CSMD2: variants seen among roughly 807,000 people sequenced by gnomAD.
CSMD2 encodes CUB and Sushi multiple domains 2, also known as CUB and sushi domain-containing protein 2.
In CSMD2, 130 loss-of-function variants were observed where a neutral mutation model predicts 398.5. The ratio of observed to expected loss-of-function variants is 0.33; its 90% CI spans 0.28 to 0.38. The LOEUF (loss-of-function observed/expected upper bound fraction) is 0.38, where lower values mean the gene tolerates loss of function less well. Among genes scored for constraint, CSMD2 ranks in the 10% least tolerant of loss-of-function variants. The pLI is 1.00. For missense variants in CSMD2, 3,829 were observed against 4,764.9 expected (o/e 0.80, Z 5.78); for synonymous variants, 1,828 against 1,908.5 (o/e 0.96, Z 1.10).
intron 55 of CSMD2, among the ~76,000 whole-genome samples, chr1:33,552,146 T>C (rs1490443215): frequency 2.0e-5 from 3 of 152,118 alleles, no homozygotes; most frequent in Admixed American, 1.3e-4. Context: ...AGTAAACACA[T>C]AAAAATATGC....
chr1:33,717,602 G>A (rs1447414084), intron 19 of CSMD2, among the ~76,000 whole-genome samples: 1 of 151,950 alleles, frequency 6.6e-6, no homozygotes, highest in Non-Finnish European at 1.5e-5. Context: ...GTGAGAGCTA[G>A]TGGGCCACTG....
intron 2 of CSMD2, among the ~76,000 whole-genome samples, chr1:34,033,948 A>G (rs981039102): frequency 6.6e-6 from 1 of 152,300 alleles, no homozygotes; most frequent in Admixed American, 6.5e-5. Flanking sequence ...AAGAAAAAGC[A>G]AAGAAAAAAT....
rs150590321 is a variant in CSMD2, at chr1:33,637,734, G to T, written c.4775-1180C>A. 1.2e-3 allele frequency among the ~76,000 whole-genome samples: 188 copies of T among 152,250 alleles called. 3 individuals are homozygous for T. In the East Asian group the frequency reaches 0.032, roughly 26 times the overall value. On this transcript the variant is annotated intron_variant, in intron 29 of 70. Transcript: ENST00000373381. ...AGCATTTTGGAGGATACATTATTGG[G>T]GGGCAACAGAGAGGTCTAGAGATGG... is the stretch of plus-strand genomic sequence containing the variant.
At chr1:33,985,473 G>T (rs1028434135) in intron 3 of CSMD2, among the ~76,000 whole-genome samples, 1 of 152,218 alleles carries the variant, frequency 6.6e-6, no homozygotes, top group Non-Finnish European at 1.5e-5. Flanking sequence ...TTGGCAGAGA[G>T]GTGGAAGTGG....
Position 33,958,899 on chromosome 1 carries a change from A to G in CSMD2, c.518-22945T>C, listed in dbSNP as rs144683891. On this transcript the variant is annotated intron_variant, in intron 3 of 70. Coordinates refer to ENST00000373381, the MANE Select transcript of CSMD2 (RefSeq NM_001281956.2). ...TTTATGCAGCAGAAAGAAAGCTGAA[A>G]CAGTTAGTGTTTAAGAGATGTTCAT... 4.7e-3 allele frequency among the ~76,000 whole-genome samples: 714 copies of G among 152,300 alleles called. 7 individuals carry two copies. The highest frequency in any genetic ancestry group is 0.016 in the African/African-American group (676 of 41,562).
chr1:33,814,982 C>T (rs1414740911), intron 9 of CSMD2, among the ~76,000 whole-genome samples: 1 of 152,064 alleles, frequency 6.6e-6, no homozygotes, highest in Non-Finnish European at 1.5e-5. Flanking sequence ...TCATCGCTCT[C>T]ATATCTGCTT....
chr1:33,624,070 G>T lies in CSMD2; in HGVS notation c.5625+449C>A, dbSNP rs979559599. Among the ~76,000 whole-genome samples the T allele has an allele frequency of 6.6e-6, 1 of 152,166 alleles. No homozygotes were observed. The highest frequency in any genetic ancestry group is 1.5e-5 in the Non-Finnish European group (1 of 68,028). ...GGGTTCTCTGTGCTTCAGCTGTGCT[G>T]GGTGCTTTGCTCTTTCTTCTCATTA... On this transcript the variant is annotated intron_variant, in intron 35 of 70. Coordinates refer to ENST00000373381, the MANE Select transcript of CSMD2 (RefSeq NM_001281956.2). This position sits in a 1 kb window ranked among gnomAD's most constrained non-coding sequence, Gnocchi z 4.7.
At chr1:33,850,138 C>T (rs139620368) in intron 5 of CSMD2, among the ~76,000 whole-genome samples, 4 of 152,204 alleles carry the variant, frequency 2.6e-5, no homozygotes, top group East Asian at 3.9e-4. Context: ...CTTAGCCCCT[C>T]GCTTCCTCCA....
chr1:34,067,397 A>G (rs1655232981), intron 2 of CSMD2, among the ~76,000 whole-genome samples: 1 of 152,152 alleles, frequency 6.6e-6, no homozygotes, highest in Admixed American at 6.5e-5. Flanking sequence ...TGCTGCCTGG[A>G]TTAGGTGGGG....
At chr1:33,994,624 T>TA (rs1005281903) in intron 3 of CSMD2, among the ~76,000 whole-genome samples, 72 of 152,022 alleles carry the variant, frequency 4.7e-4, no homozygotes, top group East Asian at 1.2e-3. Context: ...ATATTCATCT[T>TA]AAAAAAAAGG....
chr1:33,684,189 C>G (rs1309319507), intron 25 of CSMD2, among the ~76,000 whole-genome samples: 1 of 152,190 alleles, frequency 6.6e-6, no homozygotes, highest in Non-Finnish European at 1.5e-5. Flanking sequence ...AAGATAAGCT[C>G]CACTGGGCAG....
intron 15 of CSMD2, among the ~76,000 whole-genome samples, chr1:33,738,468 C>T (rs1056015623): frequency 2.0e-5 from 3 of 152,172 alleles, no homozygotes; most frequent in Admixed American, 6.5e-5. Flanking sequence ...TGACTCCTGC[C>T]TCAAGAAGCT....
At chr1:33,952,908 C>G (rs1478140302) in intron 3 of CSMD2, among the ~76,000 whole-genome samples, 1 of 152,214 alleles carries the variant, frequency 6.6e-6, no homozygotes, top group African/African-American at 2.4e-5. Flanking sequence ...GTGAGATTGT[C>G]AGCCATATGT....
At chr1:33,587,287 A>G in intron 44 of CSMD2, 119 bp from the exon 45 acceptor site, 1 of 745,600 alleles carries the variant, frequency 1.3e-6, no homozygotes, top group Non-Finnish European at 2.2e-6. Context: ...GATATTCATG[A>G]GTACTTATCT....
chr1:33,700,647 G>A lies in CSMD2; in HGVS notation c.3603C>T (p.Ala1201=), dbSNP rs1257682688. 1 of 1,614,036 alleles carries A rather than the reference G, an allele frequency of 6.2e-7. No individual in the cohort carries two copies. Among genetic ancestry groups the A allele is most frequent in the Non-Finnish European group, 8.5e-7 (1 of 1,180,038 alleles). ...LKVYDGNNNS[A]RLLGVFSHSE... ...AATGGCTAAAAACTCCCAGCAAACG[G>A]GCGGAGTTGTTGTTGCCATCATAAA... Residue 1201 remains alanine (A), a synonymous_variant, in exon 23 of 71, where the codon GCC becomes GCT. Transcript: ENST00000373381.
intron 3 of CSMD2, among the ~76,000 whole-genome samples, chr1:34,001,992 A>G (rs1646919472): frequency 6.6e-6 from 1 of 152,222 alleles, no homozygotes; most frequent in Non-Finnish European, 1.5e-5. Context: ...TTGAGGAGCT[A>G]ATGTCTAATG....
chr1:34,076,925 AAAAAT>A (rs1292326855), intron 2 of CSMD2, among the ~76,000 whole-genome samples: 2 of 112,672 alleles, frequency 1.8e-5, no homozygotes, highest in African/African-American at 4.0e-5. Context: ...AAAAAAAAAA[AAAAAT>A]ATATATATAT....
chr1:33,951,473 T>C (rs1645005902), intron 3 of CSMD2, among the ~76,000 whole-genome samples: 1 of 152,180 alleles, frequency 6.6e-6, no homozygotes, highest in Non-Finnish European at 1.5e-5. Flanking sequence ...TGAGGCCAAA[T>C]GACCTTTAAG....
At chr1:34,056,016 C>T (rs1343521500) in intron 2 of CSMD2, among the ~76,000 whole-genome samples, 3 of 152,282 alleles carry the variant, frequency 2.0e-5, no homozygotes, top group South Asian at 4.1e-4. Context: ...TATGTCAGGA[C>T]AAGAGACAAA....
Sources: allele counts gnomAD v4.1 joint callset (sites outside exome capture counted in the v4.1 genomes callset), GRCh38; gene constraint gnomAD v4.1.1; non-coding constraint Gnocchi (gnomAD v3.1); transcripts MANE v1.5; gene names NCBI Gene and HGNC (gene_info 2026-07-23, HGNC 2026-07-21).